Variants in RNF217 observed in about 807,000 individuals in gnomAD.
RNF217 encodes ring finger protein 217, also known as E3 ubiquitin-protein ligase RNF217.
RNF217 carries 31 observed loss-of-function variants against 57.8 expected under a neutral mutation model. That is an observed-to-expected ratio of 0.54 (90% confidence interval 0.40 to 0.72). The LOEUF (loss-of-function observed/expected upper bound fraction) is 0.72, where lower values mean the gene tolerates loss of function less well. RNF217 is among the 30% of genes least tolerant of loss of function. The pLI is 0.00. For synonymous variants in RNF217, 313 were observed against 294.0 expected, an observed-to-expected ratio of 1.06 and a Z score of -0.66; for missense variants, 696 against 708.3, an observed-to-expected ratio of 0.98 and a Z score of 0.20.
intron 1 of RNF217, among the ~76,000 whole-genome samples, chr6:124,977,748 G>A (rs1052480151): frequency 6.6e-6 from 1 of 152,144 alleles, no homozygotes; most frequent in South Asian, 2.1e-4. Flanking sequence ...TAAAGTGTCT[G>A]CTTCTGGTCA....
intron 3 of RNF217, among the ~76,000 whole-genome samples, chr6:125,060,128 C>T (rs998847421): frequency 1.3e-5 from 2 of 152,074 alleles, no homozygotes; most frequent in African/African-American, 4.8e-5. Context: ...GGAGATATTA[C>T]TGAGTGAATT....
In RNF217 at chr6:124,967,688, TA is replaced by T. The variant is rs543310390; in HGVS notation, c.882+4263del. Among the ~76,000 whole-genome samples the T allele has an allele frequency of 1.2e-4, 18 of 152,350 alleles. No individual in the cohort carries two copies. The South Asian group carries it at 3.7e-3, about 32-fold the overall frequency. Reference sequence around the variant, plus strand: ...AAATGACTGTCTACTGTAGTCACCCTAGAGTCAGTGACCCAGAGGTGAAAGC... The same window carrying T: ...AAATGACTGTCTACTGTAGTCACCCTGAGTCAGTGACCCAGAGGTGAAAGC... On this transcript the variant is annotated intron_variant, in intron 1 of 5. Transcript: ENST00000521654.
intron 1 of RNF217, among the ~76,000 whole-genome samples, chr6:124,965,701 A>G (rs755711544): frequency 6.6e-6 from 1 of 152,162 alleles, no homozygotes; most frequent in Non-Finnish European, 1.5e-5. Flanking sequence ...GGTTCCCTCC[A>G]TGGCCCTCTT....
At chr6:125,000,089 T>C (rs1784919078) in intron 1 of RNF217, among the ~76,000 whole-genome samples, 1 of 152,194 alleles carries the variant, frequency 6.6e-6, no homozygotes, top group Non-Finnish European at 1.5e-5. Context: ...CCTTGGCTTA[T>C]GGAATGCAGT....
At chr6:125,017,205 T>C (rs1354559261) in intron 1 of RNF217, among the ~76,000 whole-genome samples, 1 of 152,202 alleles carries the variant, frequency 6.6e-6, no homozygotes, top group Non-Finnish European at 1.5e-5. Context: ...TCATATGAAT[T>C]TCCTTAGAAT....
chr6:125,089,956 A>G lies in RNF217; in HGVS notation c.*7019A>G, dbSNP rs1003393185. ...ATTTTATAGAAAATTAGCATGCTTT[A>G]TGTTTCTTTATAATGAAAAGTCTAG... On this transcript the variant is annotated 3_prime_UTR_variant, in exon 6 of 6. Transcript: ENST00000521654. 3.3e-5 allele frequency: 5 copies of G among 152,128 alleles called. No homozygotes were observed. Among genetic ancestry groups the G allele is most frequent in the Middle Eastern group, 3.2e-3 (1 of 316 alleles). The allele number at this position is 152,128 out of a possible 1,614,324, so 9.4% of individuals were successfully genotyped here.
chr6:124,963,213 C>G lies in RNF217; in HGVS notation c.669C>G (p.Ile223Met), dbSNP rs902055395. The G allele has an allele frequency of 7.2e-6, 11 of 1,535,976 alleles. No homozygotes were observed. In the East Asian group the frequency reaches 9.8e-5, roughly 14 times the overall value. Residue 223 changes from isoleucine (I) to methionine (M), a missense_variant, in exon 1 of 6, where the codon ATC becomes ATG. Coordinates refer to ENST00000521654, the MANE Select transcript of RNF217 (RefSeq NM_001286398.3). ...CCCTCTCCCCCGACGGCGGCAGCATCGAGCTGGAGTTCTACCTGGCGCCCG... is the reference window on the plus strand; with the variant it reads ...CCCTCTCCCCCGACGGCGGCAGCATGGAGCTGGAGTTCTACCTGGCGCCCG... Reference protein sequence around the residue: ...TDSLSPDGGSIELEFYLAPEP... With the variant: ...TDSLSPDGGSMELEFYLAPEP...
chr6:125,035,022 G>T lies in RNF217; in HGVS notation c.883-10189G>T, dbSNP rs377688310. Among the ~76,000 whole-genome samples the T allele has an allele frequency of 7.5e-4, 114 of 151,944 alleles. 1 individual carries two copies. In the South Asian group the frequency reaches 0.022, roughly 30 times the overall value. ...TTGTCTGTTATTGGTGTATAAGAAT[G>T]CTTGTGATTTTTGTACATTGATTTT... On this transcript the variant is annotated intron_variant, in intron 1 of 5. Coordinates refer to ENST00000521654, the MANE Select transcript of RNF217 (RefSeq NM_001286398.3).
At chr6:125,024,719 CA>C (rs35985972) in intron 1 of RNF217, among the ~76,000 whole-genome samples, 27,815 of 83,652 alleles carry the variant, frequency 0.33, 2,181 homozygotes, top group East Asian at 0.53. Context: ...GACTCTGTCT[CA>C]AAAAAAAAAA....
At chr6:125,082,692 C>A in intron 5 of RNF217, 172 bp from the exon 6 acceptor site, 1 of 1,363,280 alleles carries the variant, frequency 7.3e-7, no homozygotes. Context: ...GGGAGAAAAG[C>A]TAAAGGGAAA....
chr6:124,990,246 A>G (rs892828983), intron 1 of RNF217, among the ~76,000 whole-genome samples: 3 of 152,166 alleles, frequency 2.0e-5, no homozygotes, highest in Admixed American at 6.6e-5. Flanking sequence ...TTTAACTCTT[A>G]TAAGTCTTGG....
At chr6:125,064,389 C>A (rs1187470469) in intron 3 of RNF217, among the ~76,000 whole-genome samples, 1 of 152,148 alleles carries the variant, frequency 6.6e-6, no homozygotes, top group African/African-American at 2.4e-5. Context: ...ATATTAACTA[C>A]ATTGTATCCA....
chr6:125,034,854 G>A lies in RNF217; in HGVS notation c.883-10357G>A, dbSNP rs1366659497. Among the ~76,000 whole-genome samples the A allele has an allele frequency of 2.2e-4, 34 of 152,106 alleles. No homozygotes were observed. In the East Asian group the frequency reaches 6.0e-3, roughly 27 times the overall value. On this transcript the variant is annotated intron_variant, in intron 1 of 5. Transcript: ENST00000521654. ...GCATGGAATGTTCTTCCATTTGTTTGTATCCTCTTTTATTTCATTGAGCAG... is the reference window on the plus strand; with the variant it reads ...GCATGGAATGTTCTTCCATTTGTTTATATCCTCTTTTATTTCATTGAGCAG...
chr6:125,069,332 C>T (rs1788054023), intron 3 of RNF217, among the ~76,000 whole-genome samples: 1 of 152,080 alleles, frequency 6.6e-6, no homozygotes, highest in Non-Finnish European at 1.5e-5. Context: ...GTTTCTTATT[C>T]ATTTGGAGTT....
At chr6:125,069,040 G>A (rs1788040392) in intron 3 of RNF217, among the ~76,000 whole-genome samples, 1 of 152,048 alleles carries the variant, frequency 6.6e-6, no homozygotes, top group South Asian at 2.1e-4. Flanking sequence ...TAAAGAAGAA[G>A]GAAGAAAACT....
chr6:124,962,959 G>C lies in RNF217; in HGVS notation c.415G>C (p.Val139Leu). The change falls in exon 1 of 6, where the codon GTG becomes CTG. Residue 139 changes from valine to leucine, a missense_variant. Val to Leu is a conservative substitution (Grantham distance 32). This residue lies in a region of RNF217 where 465 missense variants were observed against 386.8 expected (regional missense o/e 1.20). Transcript: ENST00000521654. This position sits in a 1 kb window ranked among gnomAD's most constrained non-coding sequence, Gnocchi z 4.6. ...PGEELEPRTR[V>L]GAADGLVLDV... is the part of the protein sequence containing the mutation. ...CGAAGAGCTGGAGCCCAGGACCCGC[G>C]TGGGGGCCGCCGACGGACTGGTCCT... The C allele has an allele frequency of 1.9e-6, 3 of 1,597,380 alleles. No individual in the cohort carries two copies. Among genetic ancestry groups the C allele is most frequent in the Non-Finnish European group, 2.5e-6 (3 of 1,179,436 alleles).
chr6:124,963,158 C>G lies in RNF217; in HGVS notation c.614C>G (p.Pro205Arg), dbSNP rs1397206111. 1 of 1,534,748 alleles carries G rather than the reference C, an allele frequency of 6.5e-7. No individual in the cohort carries two copies. The highest frequency in any genetic ancestry group is 2.4e-5 in the East Asian group (1 of 40,874). ...LNPPSTRSSFPSPRLSLPTDS... is the reference protein window; with the variant it reads ...LNPPSTRSSFRSPRLSLPTDS... Reference sequence around the variant, plus strand: ...CCTCCCAGCACCCGCTCTTCCTTCCCCAGCCCCCGACTGTCCCTCCCAACG... The same window carrying G: ...CCTCCCAGCACCCGCTCTTCCTTCCGCAGCCCCCGACTGTCCCTCCCAACG... Residue 205 changes from proline (P) to arginine (R), a missense_variant, in exon 1 of 6, where the codon CCC (proline) becomes CGC (arginine). This residue lies in a region of RNF217 where 465 missense variants were observed against 386.8 expected (regional missense o/e 1.20). Coordinates refer to ENST00000521654, the MANE Select transcript of RNF217 (RefSeq NM_001286398.3).
At chr6:125,008,942 T>C (rs1785310042) in intron 1 of RNF217, 1 of 206,802 alleles carries the variant, frequency 4.8e-6, no homozygotes, top group East Asian at 1.0e-4. Flanking sequence ...AGTTTCTCCA[T>C]ACTGACAGTA....
chr6:125,071,332 C>T (rs1788127855), intron 3 of RNF217, among the ~76,000 whole-genome samples: 1 of 152,148 alleles, frequency 6.6e-6, no homozygotes, highest in African/African-American at 2.4e-5. Context: ...CTGGCAGTCA[C>T]CCGTGCCATC....
Sources: allele counts gnomAD v4.1 joint callset (sites outside exome capture counted in the v4.1 genomes callset), GRCh38; gene constraint gnomAD v4.1.1; regional missense constraint gnomAD v4.1.1; non-coding constraint Gnocchi (gnomAD v3.1); transcripts MANE v1.5; gene names NCBI Gene and HGNC (gene_info 2026-07-23, HGNC 2026-07-21).